Variants in SLC36A3 observed in about 807,000 individuals in gnomAD.
SLC36A3 encodes solute carrier family 36 member 3.
In SLC36A3, 35 loss-of-function variants were observed where a neutral mutation model predicts 44.3. The observed-to-expected ratio is 0.79, with a 90% CI of 0.60 to 1.05. The LOEUF (loss-of-function observed/expected upper bound fraction) is 1.05, where lower values mean the gene tolerates loss of function less well. Among genes scored for constraint, SLC36A3 ranks in the 50% least tolerant of loss-of-function variants. SLC36A3 has a pLI of 0.00. For synonymous variants in SLC36A3, 211 were observed against 227.6 expected (o/e 0.93, Z 0.66); for missense variants, 540 against 578.7 (o/e 0.93, Z 0.69).
intron 4 of SLC36A3, among the ~76,000 whole-genome samples, chr5:151,289,525 G>T (rs1754678934): frequency 6.6e-6 from 1 of 151,662 alleles, no homozygotes; most frequent in African/African-American, 2.4e-5. Context: ...TATTAATTTT[G>T]TAAGAGATGA....
In SLC36A3 at chr5:151,287,397, A is replaced by G. The variant is rs1754579118; in HGVS notation, c.557T>C (p.Ile186Thr). 6.2e-7 allele frequency: 1 copy of G among 1,614,148 alleles called. No homozygotes were observed. Residue 186 changes from isoleucine to threonine, a missense_variant, in exon 6 of 10, where the codon ATC becomes ACC. Coordinates refer to ENST00000335230, the MANE Select transcript of SLC36A3 (RefSeq NM_181774.4). The part of the protein sequence containing the change: ...QPREILTLTP[I>T]LDIRFYMLII... ...CAGCATGTAGAAACGAATGTCCAGGATGGGGGTCAGCGTCAGAATCTCCCT... is the reference window on the plus strand; with the variant it reads ...CAGCATGTAGAAACGAATGTCCAGGGTGGGGGTCAGCGTCAGAATCTCCCT...
chr5:151,299,246 CTCTCTCTCTCTCTCTCTCTA>C (rs1258667363), intron 1 of SLC36A3, among the ~76,000 whole-genome samples: 45 of 93,504 alleles, frequency 4.8e-4, no homozygotes, highest in African/African-American at 1.7e-3. Context: ...CTCTCTCTCT[CTCTCTCTCTCTCTCTCTCTA>C]TATATATATA....
intron 4 of SLC36A3, among the ~76,000 whole-genome samples, chr5:151,291,923 C>T (rs1038787703): frequency 2.3e-4 from 35 of 152,042 alleles, no homozygotes; most frequent in African/African-American, 5.3e-4. Context: ...TGCAATGGTG[C>T]GATCTCGGCT....
At chr5:151,293,688 ATTC>A (rs1262148415) in intron 3 of SLC36A3, among the ~76,000 whole-genome samples, 2 of 152,086 alleles carry the variant, frequency 1.3e-5, no homozygotes. Context: ...CATTGGATTT[ATTC>A]TTCTTGAGTA....
chr5:151,292,076 G>T (rs1001223572), intron 4 of SLC36A3, among the ~76,000 whole-genome samples: 9 of 152,012 alleles, frequency 5.9e-5, no homozygotes, highest in Non-Finnish European at 1.0e-4. Context: ...GGTCAGGCTG[G>T]TCTCAAACTC....
intron 1 of SLC36A3, among the ~76,000 whole-genome samples, chr5:151,302,761 A>G (rs1262242205): frequency 6.6e-6 from 1 of 152,168 alleles, no homozygotes; most frequent in Non-Finnish European, 1.5e-5. Flanking sequence ...TTAATTAAAA[A>G]AAAAGAGAGA....
At chr5:151,301,663 C>T (rs546406129) in intron 1 of SLC36A3, among the ~76,000 whole-genome samples, 4 of 150,820 alleles carry the variant, frequency 2.7e-5, no homozygotes, top group Admixed American at 6.6e-5. Context: ...ACTCCGGTCT[C>T]GAGCTTGCAG....
intron 2 of SLC36A3, chr5:151,297,536 A>C (rs1179644317): frequency 1.3e-5 from 2 of 152,268 alleles, no homozygotes; most frequent in African/African-American, 4.8e-5. Context: ...TATCTATTCC[A>C]TTCAGTAGAT....
intron 4 of SLC36A3, among the ~76,000 whole-genome samples, chr5:151,291,779 T>C (rs1174007649): frequency 1.3e-5 from 2 of 152,220 alleles, no homozygotes; most frequent in African/African-American, 2.4e-5. Flanking sequence ...TCTCCCTTTA[T>C]AAAGCTTCCC....
chr5:151,293,458 G>T lies in SLC36A3; in HGVS notation c.310C>A (p.Leu104Met), dbSNP rs1350465182. The part of the protein sequence containing the change: ...LNCAQHLSQR[L>M]QKTFVNYGEA... Reference sequence around the variant, plus strand: ...CCATAGTTCACAAAAGTCTTCTGCAGTCTAGGGGGAAAGAACAAACAATGC... The same window carrying T: ...CCATAGTTCACAAAAGTCTTCTGCATTCTAGGGGGAAAGAACAAACAATGC... Residue 104 changes from leucine to methionine, a missense_variant and splice_region_variant, in exon 4 of 10, where the codon CTG becomes ATG. Physicochemically the swap from Leu to Met is conservative, Grantham distance 15 (BLOSUM62 2). Coordinates refer to ENST00000335230, the MANE Select transcript of SLC36A3 (RefSeq NM_181774.4). 6.2e-7 allele frequency: 1 copy of T among 1,610,942 alleles called. No homozygotes were observed. Among genetic ancestry groups the T allele is most frequent in the Middle Eastern group, 1.7e-4 (1 of 6,046 alleles).
intron 8 of SLC36A3, among the ~76,000 whole-genome samples, chr5:151,282,151 G>A (rs1379129479): frequency 2.4e-4 from 12 of 50,724 alleles, no homozygotes; most frequent in African/African-American, 1.0e-3. Context: ...ACGGAGTTTC[G>A]CTTTTATTGC....
chr5:151,286,063 G>A (rs1754525031), intron 6 of SLC36A3, among the ~76,000 whole-genome samples: 1 of 152,198 alleles, frequency 6.6e-6, no homozygotes, highest in Non-Finnish European at 1.5e-5. Context: ...GAAAATGAAA[G>A]TATAATGGTG....
At chr5:151,297,479 G>A (rs1754996540) in intron 2 of SLC36A3, 1 of 152,148 alleles carries the variant, frequency 6.6e-6, no homozygotes, top group Non-Finnish European at 1.5e-5. Context: ...TACCAGGCCT[G>A]GAGATAAGAA....
intron 8 of SLC36A3, 98 bp downstream of exon 8, chr5:151,283,946 T>TA (rs1323099420): frequency 2.2e-5 from 31 of 1,419,138 alleles, no homozygotes; most frequent in Non-Finnish European, 2.9e-5. Context: ...AGTGATGGAT[T>TA]ACCAGCTTCA....
chr5:151,296,113 CA>C (rs1754948739), intron 3 of SLC36A3, 66 bp downstream of exon 3: 1 of 1,496,242 alleles, frequency 6.7e-7, no homozygotes, highest in Non-Finnish European at 9.3e-7. Context: ...GGTCAGTGGT[CA>C]AAAGAAGAGC....
Position 151,279,308 on chromosome 5 carries a change from T to G in SLC36A3, c.1145-1647A>C, listed in dbSNP as rs146005415. Among the ~76,000 whole-genome samples the G allele has an allele frequency of 2.8e-4, 42 of 152,318 alleles. No homozygotes were observed. The East Asian group carries it at 7.7e-3, about 28-fold the overall frequency. On this transcript the variant is annotated intron_variant, in intron 9 of 9. Coordinates refer to ENST00000335230, the MANE Select transcript of SLC36A3 (RefSeq NM_181774.4). ...TGTCCCATCTTAACAATCATTGCAA[T>G]GCACTGTAATTATTTCCTTGCATAT...
In SLC36A3 at chr5:151,284,130, G is replaced by A. The variant is rs777948806; in HGVS notation, c.888C>T (p.Ile296=). Residue 296 remains isoleucine, a synonymous_variant, in exon 8 of 10, where the codon ATC becomes ATT. Coordinates refer to ENST00000335230, the MANE Select transcript of SLC36A3 (RefSeq NM_181774.4). Reference sequence around the variant, plus strand: ...CCAGTGTCCCCAGTAAGATATAGAGGATGATGACAATGGACATCCCCAAGT... The same window carrying A: ...CCAGTGTCCCCAGTAAGATATAGAGAATGATGACAATGGACATCCCCAAGT... ...VLYLGMSIVI[I]LYILLGTLGY... is the part of the protein sequence containing the mutation. The A allele has an allele frequency of 5.0e-6, 8 of 1,613,996 alleles. No homozygotes were observed. In the Admixed American group the frequency reaches 1.2e-4, roughly 24 times the overall value.
intron 4 of SLC36A3, among the ~76,000 whole-genome samples, chr5:151,291,468 TG>T (rs1161346133): frequency 6.6e-6 from 1 of 152,194 alleles, no homozygotes; most frequent in East Asian, 1.9e-4. Context: ...TTTAATTTTT[TG>T]TTTGCTGCTG....
chr5:151,302,965 T>C (rs953217806), intron 1 of SLC36A3, among the ~76,000 whole-genome samples: 4 of 152,120 alleles, frequency 2.6e-5, no homozygotes, highest in Non-Finnish European at 5.9e-5. Flanking sequence ...CAGCCTGAGA[T>C]AGGAAACTGT....
Sources: allele counts gnomAD v4.1 joint callset (sites outside exome capture counted in the v4.1 genomes callset), GRCh38; gene constraint gnomAD v4.1.1; transcripts MANE v1.5; gene names NCBI Gene and HGNC (gene_info 2026-07-23, HGNC 2026-07-21).